The following CSMD3 variants were observed in gnomAD, a reference collection of about 807,000 sequenced individuals.
The protein encoded by CSMD3 is CUB and Sushi multiple domains 3.
A neutral mutation model predicts 435.2 loss-of-function variants in CSMD3; 177 were observed. That is an observed-to-expected ratio of 0.41 (90% CI 0.36 to 0.46). The LOEUF (loss-of-function observed/expected upper bound fraction) is 0.46. Ranked by LOEUF, CSMD3 falls within the 20% of genes least tolerant of loss-of-function variation. CSMD3 has a pLI of 0.34. For missense variants in CSMD3, 4,265 were observed against 4,504.6 expected, an observed-to-expected ratio of 0.95 and a Z score of 1.52; for synonymous variants, 1,656 against 1,520.5, an observed-to-expected ratio of 1.09 and a Z score of -2.07.
At chr8:113,058,214 CTAACTT>C (rs1338193672) in intron 5 of CSMD3, among the ~76,000 whole-genome samples, 1 of 151,862 alleles carries the variant, frequency 6.6e-6, no homozygotes, top group Non-Finnish European at 1.5e-5. Flanking sequence ...GAATTATAAT[CTAACTT>C]TATTTCTTTT....
chr8:112,692,451 TA>T (rs2076158095), intron 13 of CSMD3, among the ~76,000 whole-genome samples: 1 of 152,138 alleles, frequency 6.6e-6, no homozygotes, highest in African/African-American at 2.4e-5. Flanking sequence ...TCAGTATATG[TA>T]TATCGAGGTC....
intron 31 of CSMD3, among the ~76,000 whole-genome samples, chr8:112,489,292 G>T (rs1820448817): frequency 6.6e-6 from 1 of 152,072 alleles, no homozygotes; most frequent in South Asian, 2.1e-4. Flanking sequence ...GGGTGTAGTG[G>T]CACATGCCTG....
At chr8:112,617,947 A>G (rs560304805) in intron 22 of CSMD3, among the ~76,000 whole-genome samples, 352 of 152,248 alleles carry the variant, frequency 2.3e-3, no homozygotes, top group African/African-American at 8.1e-3. Context: ...AGGATTGGAC[A>G]GGGCAACTCC....
intron 36 of CSMD3, among the ~76,000 whole-genome samples, chr8:112,384,208 C>T (rs897722704): frequency 9.2e-5 from 14 of 151,950 alleles, no homozygotes; most frequent in African/African-American, 1.5e-4. Flanking sequence ...ATTTTTAACA[C>T]GCATATTTTT....
Position 113,213,415 on chromosome 8 carries a change from T to C in CSMD3, c.515-39499A>G, listed in dbSNP as rs1279959796. On this transcript the variant is annotated intron_variant, in intron 3 of 70. Transcript: ENST00000297405. ...CTACTTGATGTTTGGCTTTAATCAG[T>C]AGTTCAAACTGAACTCTTCTTAACA... Among the ~76,000 whole-genome samples, 5 of 152,126 alleles carry C rather than the reference T, an allele frequency of 3.3e-5. No individual in the cohort carries two copies. The East Asian group carries it at 9.6e-4, about 29-fold the overall frequency.
chr8:113,360,300 G>A (rs2132980080), intron 1 of CSMD3, among the ~76,000 whole-genome samples: 1 of 152,108 alleles, frequency 6.6e-6, no homozygotes, highest in African/African-American at 2.4e-5. Flanking sequence ...ATAGGACTTT[G>A]AGCTTGTTCC....
intron 24 of CSMD3, among the ~76,000 whole-genome samples, chr8:112,568,857 G>T (rs187338477): frequency 1.3e-5 from 2 of 151,998 alleles, no homozygotes; most frequent in South Asian, 2.1e-4. Context: ...TTTAATATTC[G>T]TGACAGCTGT....
At chr8:113,126,406 T>C (rs1459756371) in intron 4 of CSMD3, among the ~76,000 whole-genome samples, 2 of 151,956 alleles carry the variant, frequency 1.3e-5, no homozygotes, top group Admixed American at 1.3e-4. Context: ...AATATATATA[T>C]GTGAAAATTA....
At chr8:112,233,704 T>C (rs1254027143) in intron 68 of CSMD3, among the ~76,000 whole-genome samples, 1 of 152,122 alleles carries the variant, frequency 6.6e-6, no homozygotes, top group Non-Finnish European at 1.5e-5. Flanking sequence ...CTTGAGAGGA[T>C]ACAGTCAGAT....
chr8:113,154,872 G>T (rs2091901374), intron 4 of CSMD3, among the ~76,000 whole-genome samples: 1 of 151,914 alleles, frequency 6.6e-6, no homozygotes, highest in Non-Finnish European at 1.5e-5. Flanking sequence ...TAACTGTTAA[G>T]CTCCCGAACA....
At chr8:112,544,604 TA>T (rs1402290757) in intron 27 of CSMD3, among the ~76,000 whole-genome samples, 1 of 152,208 alleles carries the variant, frequency 6.6e-6, no homozygotes, top group Non-Finnish European at 1.5e-5. Context: ...CTCTGCTTTT[TA>T]AAAAAATTTG....
intron 4 of CSMD3, among the ~76,000 whole-genome samples, chr8:113,115,561 CTT>C (rs1250786635): frequency 6.6e-6 from 1 of 152,174 alleles, no homozygotes; most frequent in Non-Finnish European, 1.5e-5. Context: ...AGTATGTCCT[CTT>C]GAGTCTGGCT....
At chr8:112,541,738 A>G (rs1826683211) in intron 27 of CSMD3, among the ~76,000 whole-genome samples, 1 of 152,018 alleles carries the variant, frequency 6.6e-6, no homozygotes, top group African/African-American at 2.4e-5. Context: ...TTGAAACAAA[A>G]CAAAACAAAA....
At chr8:112,330,426 C>A (rs1309503564) in intron 45 of CSMD3, among the ~76,000 whole-genome samples, 3 of 152,030 alleles carry the variant, frequency 2.0e-5, no homozygotes, top group South Asian at 2.1e-4. Context: ...ATTAGAAAAT[C>A]AAGTGACCTG....
intron 1 of CSMD3, among the ~76,000 whole-genome samples, chr8:113,374,604 G>C (rs2094366883): frequency 6.6e-6 from 1 of 151,840 alleles, no homozygotes; most frequent in South Asian, 2.1e-4. Flanking sequence ...ACACATTTTT[G>C]GAGTAAGACA....
At chr8:113,391,164 A>G (rs990473825) in intron 1 of CSMD3, among the ~76,000 whole-genome samples, 1 of 151,998 alleles carries the variant, frequency 6.6e-6, no homozygotes, top group Non-Finnish European at 1.5e-5. Context: ...GATTCACCAA[A>G]AATATCTTCA....
chr8:112,632,220 T>C (rs1488283979), intron 22 of CSMD3, among the ~76,000 whole-genome samples: 1 of 152,050 alleles, frequency 6.6e-6, no homozygotes, highest in South Asian at 2.1e-4. Flanking sequence ...ATGCTGCACA[T>C]TCAGTTTGCT....
intron 5 of CSMD3, among the ~76,000 whole-genome samples, chr8:113,092,525 T>C (rs907713429): frequency 6.6e-6 from 1 of 152,030 alleles, no homozygotes; most frequent in Non-Finnish European, 1.5e-5. Flanking sequence ...CAAATAGCCA[T>C]GTAATTAGAT....
chr8:113,413,445 G>A (rs968019392), intron 1 of CSMD3, among the ~76,000 whole-genome samples: 1 of 151,984 alleles, frequency 6.6e-6, no homozygotes, highest in African/African-American at 2.4e-5. Flanking sequence ...GAAAGTCAAG[G>A]TATTTAAAAT....
Sources: allele counts gnomAD v4.1 joint callset (sites outside exome capture counted in the v4.1 genomes callset), GRCh38; gene constraint gnomAD v4.1.1; transcripts MANE v1.5; gene names NCBI Gene and HGNC (gene_info 2026-07-23, HGNC 2026-07-21).